XCL2: variants seen among roughly 807,000 people sequenced by gnomAD.
XCL2 encodes the protein X-C motif chemokine ligand 2, also known as cytokine SCM-1 beta.
Under a neutral mutation model 7.2 loss-of-function variants are expected in XCL2, and 8 were observed. The ratio of observed to expected loss-of-function variants is 1.10; its 90% CI spans 0.65 to 1.99. The LOEUF is 1.99. XCL2 is among the 30% of genes most tolerant of loss of function. The pLI is 0.00. For missense variants in XCL2, 131 were observed against 138.6 expected (o/e 0.94, Z 0.28); for synonymous variants, 46 against 54.2 (o/e 0.85, Z 0.67).
intron 2 of XCL2, 91 bp from the exon 3 acceptor site, chr1:168,541,211 T>G: frequency 4.7e-6 from 7 of 1,481,814 alleles, no homozygotes; most frequent in Non-Finnish European, 3.6e-6. Context: ...GAAGAGATCT[T>G]GTGCAGAAAT....
chr1:168,541,127 C>T lies in XCL2; in HGVS notation c.177-7G>A, dbSNP rs374950466. 295 of 1,613,132 alleles carry T rather than the reference C, an allele frequency of 1.8e-4. No individual in the cohort carries two copies. The highest frequency in any genetic ancestry group is 1.8e-4 in the Non-Finnish European group (210 of 1,179,366). ...GCCACGTTTGGTAATAAAACTGTAA[C>T]GCAAGGAAAAGACAGATGAAGTTAG... On this transcript the variant is annotated splice_region_variant and splice_polypyrimidine_tract_variant and intron_variant, in intron 2 of 2. Transcript: ENST00000367819.
chr1:168,541,181 G>A, intron 2 of XCL2, 61 bp from the exon 3 acceptor site: 1 of 1,592,114 alleles, frequency 6.3e-7, no homozygotes, highest in Non-Finnish European at 8.6e-7. Flanking sequence ...AGGGTCAGGA[G>A]TTAAGATCAG....
Position 168,543,911 on chromosome 1 carries a change from A to T in XCL2, c.54T>A (p.Ile18=). ...GACAGCTTCTCCACTTACCTTCCAC[A>T]ATGTATGCAGTGAGAGAGCAGATGC... ...LLGICSLTAY[I]VEGVGSEVSH... is the part of the protein sequence containing the mutation. The change falls in exon 1 of 3, where the codon ATT becomes ATA. Residue 18 remains isoleucine, a synonymous_variant. Coordinates refer to ENST00000367819, the MANE Select transcript of XCL2 (RefSeq NM_003175.4). 6.2e-6 allele frequency: 10 copies of T among 1,609,762 alleles called. No individual in the cohort carries two copies. The highest frequency in any genetic ancestry group is 8.5e-6 in the Non-Finnish European group (10 of 1,177,682).
At position 168,542,035 on chromosome 1, in the gene XCL2, A is replaced by T. The variant is rs1352851241; in HGVS notation, c.134T>A (p.Ile45Asn). The change falls in exon 2 of 3, where the codon ATC becomes AAC. Residue 45 changes from isoleucine to asparagine, a missense_variant. Physicochemically the swap from Ile to Asn is moderately radical, Grantham distance 149. Coordinates refer to ENST00000367819, the MANE Select transcript of XCL2 (RefSeq NM_003175.4). ...GCCTTCCGTGATGGTGTAGGTCTTGATTCTGCTAACTGGCAGTCGCTGGGT... is the reference window on the plus strand; with the variant it reads ...GCCTTCCGTGATGGTGTAGGTCTTGTTTCTGCTAACTGGCAGTCGCTGGGT... ...LTTQRLPVSRIKTYTITEGSL... is the reference protein window; with the variant it reads ...LTTQRLPVSRNKTYTITEGSL... 2 of 1,603,484 alleles carry T rather than the reference A, an allele frequency of 1.2e-6. No homozygotes were observed. The highest frequency in any genetic ancestry group is 3.4e-5 in the Admixed American group (2 of 58,450).
chr1:168,543,342 C>A, intron 1 of XCL2: 1 of 204,408 alleles, frequency 4.9e-6, no homozygotes, highest in South Asian at 7.4e-5. Context: ...GCACTACTGT[C>A]GCCTTCACAC....
At chr1:168,541,696 C>T (rs1016578143) in intron 2 of XCL2, among the ~76,000 whole-genome samples, 8 of 152,144 alleles carry the variant, frequency 5.3e-5, no homozygotes, top group East Asian at 1.9e-4. Context: ...CTGACATGAG[C>T]CAGCCATCTC....
Position 168,540,913 on chromosome 1 carries a change from G to C in XCL2, c.*39C>G. On this transcript the variant is annotated 3_prime_UTR_variant, in exon 3 of 3. Coordinates refer to ENST00000367819, the MANE Select transcript of XCL2 (RefSeq NM_003175.4). ...AGTCCATGAGGGTGTAAAGTGAAAT[G>C]AGCTGGCTGGCTGGAGACGGACAGG... 6.2e-7 allele frequency: 1 copy of C among 1,607,372 alleles called. No homozygotes were observed. Among genetic ancestry groups the C allele is most frequent in the Non-Finnish European group, 8.5e-7 (1 of 1,175,078 alleles).
Position 168,540,893 on chromosome 1 carries a change from A to G in XCL2, c.*59T>C. The G allele has an allele frequency of 6.3e-7, 1 of 1,593,366 alleles. No individual in the cohort carries two copies. Among genetic ancestry groups the G allele is most frequent in the Non-Finnish European group, 8.6e-7 (1 of 1,167,376 alleles). On this transcript the variant is annotated 3_prime_UTR_variant, in exon 3 of 3. Transcript: ENST00000367819. ...TAAAAGGTGAGTATAATCTCAGTCCATGAGGGTGTAAAGTGAAATGAGCTG... is the reference window on the plus strand; with the variant it reads ...TAAAAGGTGAGTATAATCTCAGTCCGTGAGGGTGTAAAGTGAAATGAGCTG...
At chr1:168,541,697 C>A (rs1654287490) in intron 2 of XCL2, among the ~76,000 whole-genome samples, 1 of 152,268 alleles carries the variant, frequency 6.6e-6, no homozygotes, top group South Asian at 2.1e-4. Context: ...TGACATGAGC[C>A]AGCCATCTCT....
At position 168,542,154 on chromosome 1, in the gene XCL2, C is replaced by T. The variant is rs199846581; in HGVS notation, c.62-47G>A. ...CAGACAATTAAAAATAAAGCAATTA[C>T]CCAGATCACAGGAACAATCGTCTGT... On this transcript the variant is annotated intron_variant, in intron 1 of 2. Transcript: ENST00000367819. 1.5e-3 allele frequency: 2,172 copies of T among 1,427,374 alleles called. 19 individuals are homozygous for T. In the Middle Eastern group the frequency reaches 0.034, roughly 22 times the overall value. 88.4% of individuals were successfully genotyped at this position (1,427,374 alleles called of 1,614,324 possible).
chr1:168,542,005 A>G lies in XCL2; in HGVS notation c.164T>C (p.Leu55Ser). The G allele has an allele frequency of 6.2e-7, 1 of 1,611,120 alleles. No individual in the cohort carries two copies. The highest frequency in any genetic ancestry group is 8.5e-7 in the Non-Finnish European group (1 of 1,178,526). ...IKTYTITEGSLRAVIFITKRG... is the reference protein window; with the variant it reads ...IKTYTITEGSSRAVIFITKRG... ...GAGGCAGACTCACATTACTGCTCTC[A>G]AGGAGCCTTCCGTGATGGTGTAGGT... is the stretch of plus-strand genomic sequence containing the variant. The change falls in exon 2 of 3, where the codon TTG becomes TCG. Residue 55 changes from leucine (L) to serine (S), a missense_variant. Coordinates refer to ENST00000367819, the MANE Select transcript of XCL2 (RefSeq NM_003175.4).
intron 1 of XCL2, 128 bp downstream of exon 1, chr1:168,543,776 A>C: frequency 8.1e-7 from 1 of 1,242,048 alleles, no homozygotes; most frequent in Non-Finnish European, 1.1e-6. Flanking sequence ...CCTTTCTTGC[A>C]CATGGGAAGT....
At chr1:168,541,427 C>G (rs751019641) in intron 2 of XCL2, among the ~76,000 whole-genome samples, 2 of 152,046 alleles carry the variant, frequency 1.3e-5, no homozygotes, top group Non-Finnish European at 2.9e-5. Flanking sequence ...ATTATATAAC[C>G]TCTTCCTTTT....
rs529639567 is a variant in XCL2, at chr1:168,542,612, T to C, written c.62-505A>G. ...ATAAGTGAGATGACAGAGTAATGCG[T>C]GAAGAGTACTCTAGGCAAGGCAACA... On this transcript the variant is annotated intron_variant, in intron 1 of 2. Transcript: ENST00000367819. The C allele has an allele frequency of 1.9e-5, 3 of 158,146 alleles. No individual in the cohort carries two copies. In the East Asian group the frequency reaches 5.7e-4, roughly 30 times the overall value. 9.8% of individuals were successfully genotyped at this position (158,146 alleles called of 1,614,324 possible).
chr1:168,543,823 A>G (rs1654342106), intron 1 of XCL2, 81 bp downstream of exon 1: 1 of 1,600,932 alleles, frequency 6.2e-7, no homozygotes, highest in Admixed American at 1.7e-5. Flanking sequence ...TAGTCCAGTC[A>G]AAACCCGAGT....
chr1:168,542,598 G>A (rs1654312639), intron 1 of XCL2: 1 of 157,912 alleles, frequency 6.3e-6, no homozygotes, highest in Non-Finnish European at 1.4e-5. Flanking sequence ...TAAGTGAGAT[G>A]ACAGAGTAAT....
intron 1 of XCL2, 59 bp from the exon 2 acceptor site, chr1:168,542,166 G>T: frequency 7.3e-7 from 1 of 1,373,434 alleles, no homozygotes; most frequent in Non-Finnish European, 9.7e-7. Context: ...CAGATCACAG[G>T]AACAATCGTC....
chr1:168,541,847 A>G, intron 2 of XCL2, 146 bp downstream of exon 2: 2 of 650,436 alleles, frequency 3.1e-6, no homozygotes, highest in South Asian at 5.6e-5. Flanking sequence ...GACATGGTTG[A>G]TAAGGAAAAC....
chr1:168,541,694 A>G lies in XCL2; in HGVS notation c.176+299T>C, dbSNP rs1005897724. Among the ~76,000 whole-genome samples, 3 of 152,154 alleles carry G rather than the reference A, an allele frequency of 2.0e-5. 1 individual carries two copies. The highest frequency in any genetic ancestry group is 3.9e-4 in the East Asian group (2 of 5,184). ...AGGCTTGCAGGGAAACCCTGACATG[A>G]GCCAGCCATCTCTAAACCCAGATCT... On this transcript the variant is annotated intron_variant, in intron 2 of 2. Transcript: ENST00000367819.
Sources: gnomAD v4.1 joint callset for allele counts (sites outside exome capture counted in the v4.1 genomes callset) on GRCh38, gnomAD v4.1.1 for gene constraint, MANE v1.5 for transcripts, NCBI Gene and HGNC (gene_info 2026-07-23, HGNC 2026-07-21) for gene names.